ULK2: variants seen among roughly 807,000 people sequenced by gnomAD.
ULK2 encodes the protein unc-51 like autophagy activating kinase 2.
In ULK2, 76 loss-of-function variants were observed where a neutral mutation model predicts 127.5. The ratio of observed to expected loss-of-function variants is 0.60; its 90% CI spans 0.50 to 0.72. The LOEUF (loss-of-function observed/expected upper bound fraction) is 0.72, where lower values mean the gene tolerates loss of function less well. Among genes scored for constraint, ULK2 ranks in the 30% least tolerant of loss-of-function variants. The pLI, the probability that ULK2 is intolerant of heterozygous loss-of-function variation, is 0.00. For missense variants in ULK2, 1,144 were observed against 1,295.9 expected (o/e 0.88, Z 1.80); for synonymous variants, 452 against 461.9 (o/e 0.98, Z 0.28).
intron 10 of ULK2, among the ~76,000 whole-genome samples, chr17:19,835,755 C>T (rs1282148879): frequency 5.4e-5 from 8 of 147,462 alleles, no homozygotes; most frequent in African/African-American, 2.0e-4. Context: ...CTAGAGCAAT[C>T]ATTAAAAAAA....
rs2087270287 is a variant in ULK2, at chr17:19,796,298, TA to T, written c.1810-17del. Reference sequence around the variant, plus strand: ...GAGCTGTGGTCTAAAGAGACATATATATATATATATATGTAAACTAGTTAAT... The same window carrying T: ...GAGCTGTGGTCTAAAGAGACATATATTATATATATATGTAAACTAGTTAAT... On this transcript the variant is annotated splice_polypyrimidine_tract_variant and intron_variant, in intron 18 of 26. Transcript: ENST00000395544. The T allele has an allele frequency of 6.5e-7, 1 of 1,542,150 alleles. No individual in the cohort carries two copies. The highest frequency in any genetic ancestry group is 2.4e-5 in the East Asian group (1 of 42,392).
intron 20 of ULK2, among the ~76,000 whole-genome samples, chr17:19,789,428 G>A (rs914115672): frequency 1.3e-5 from 2 of 152,162 alleles, no homozygotes; most frequent in Admixed American, 6.5e-5. Context: ...CAAGAAGGAC[G>A]GGTACAGATT....
intron 13 of ULK2, among the ~76,000 whole-genome samples, chr17:19,814,439 T>TACATATATATA (rs1491246393): frequency 2.0e-4 from 2 of 9,994 alleles, no homozygotes; most frequent in African/African-American, 4.2e-4. Context: ...TATATATATA[T>TACATATATATA]TTTTTTTTTT....
intron 20 of ULK2, among the ~76,000 whole-genome samples, chr17:19,794,858 C>T (rs746147696): frequency 6.6e-6 from 1 of 152,014 alleles, no homozygotes; most frequent in Non-Finnish European, 1.5e-5. Context: ...ATGGGTGGAT[C>T]ACGAGGTCAG....
At chr17:19,809,463 C>T (rs375591530) in intron 14 of ULK2, among the ~76,000 whole-genome samples, 21 of 151,968 alleles carry the variant, frequency 1.4e-4, no homozygotes, top group Admixed American at 1.2e-3. Flanking sequence ...CTGGGCACAG[C>T]GGCTCACAAC....
intron 10 of ULK2, among the ~76,000 whole-genome samples, chr17:19,828,825 T>C (rs1230323260): frequency 6.6e-6 from 1 of 152,222 alleles, no homozygotes; most frequent in African/African-American, 2.4e-5. Flanking sequence ...GAGACTCCCT[T>C]TAGGCCATGT....
At chr17:19,835,253 C>G (rs544263416) in intron 10 of ULK2, among the ~76,000 whole-genome samples, 3 of 150,942 alleles carry the variant, frequency 2.0e-5, no homozygotes, top group African/African-American at 7.3e-5. Flanking sequence ...AGGTTCACAC[C>G]ATTCTCCTGC....
At chr17:19,826,393 T>C (rs967441223) in intron 10 of ULK2, among the ~76,000 whole-genome samples, 7 of 152,092 alleles carry the variant, frequency 4.6e-5, no homozygotes, top group African/African-American at 9.7e-5. Context: ...AAATAATGAA[T>C]CAATAACAAA....
intron 12 of ULK2, among the ~76,000 whole-genome samples, chr17:19,820,910 A>G (rs2041125443): frequency 6.6e-6 from 1 of 152,222 alleles, no homozygotes; most frequent in Admixed American, 6.5e-5. Context: ...CCTCTTCTCC[A>G]TACAATTAAA....
intron 9 of ULK2, among the ~76,000 whole-genome samples, chr17:19,841,079 A>T (rs143954766): frequency 6.6e-6 from 1 of 151,332 alleles, no homozygotes. Flanking sequence ...GTTCGAGAGG[A>T]AAAAAAAAGG....
At chr17:19,863,356 A>G (rs1250206401) in intron 3 of ULK2, among the ~76,000 whole-genome samples, 1 of 152,208 alleles carries the variant, frequency 6.6e-6, no homozygotes, top group Non-Finnish European at 1.5e-5. Context: ...AGACTAAGCA[A>G]AAGAAAGAAA....
At chr17:19,782,271 T>G (rs1844687356) in intron 22 of ULK2, among the ~76,000 whole-genome samples, 1 of 152,200 alleles carries the variant, frequency 6.6e-6, no homozygotes, top group Non-Finnish European at 1.5e-5. Flanking sequence ...TGCATGTGTT[T>G]GTGTATGTGT....
At chr17:19,827,704 G>C (rs951947548) in intron 10 of ULK2, among the ~76,000 whole-genome samples, 2 of 152,150 alleles carry the variant, frequency 1.3e-5, no homozygotes, top group African/African-American at 4.8e-5. Context: ...CTGAGGTCAG[G>C]AGTTTGAGAC....
chr17:19,864,471 T>C (rs1180179581), intron 3 of ULK2, among the ~76,000 whole-genome samples: 1 of 144,910 alleles, frequency 6.9e-6, no homozygotes, highest in Non-Finnish European at 1.5e-5. Flanking sequence ...TGAGACTCCA[T>C]CAAAAAAAAA....
intron 9 of ULK2, among the ~76,000 whole-genome samples, chr17:19,840,902 A>G (rs1214558678): frequency 6.6e-6 from 1 of 152,046 alleles, no homozygotes; most frequent in Non-Finnish European, 1.5e-5. Flanking sequence ...AACAAAAAAA[A>G]GCATACAGTG....
At chr17:19,783,037 A>G (rs536125795) in intron 22 of ULK2, among the ~76,000 whole-genome samples, 1 of 152,216 alleles carries the variant, frequency 6.6e-6, no homozygotes, top group East Asian at 1.9e-4. Context: ...AAAGTTTCCC[A>G]CTCTTTTATG....
chr17:19,817,783 C>A (rs1281090427), intron 12 of ULK2, among the ~76,000 whole-genome samples: 3 of 152,098 alleles, frequency 2.0e-5, no homozygotes, highest in Non-Finnish European at 1.5e-5. Flanking sequence ...GCTCTTTAAA[C>A]CCAAGCCTTA....
intron 20 of ULK2, among the ~76,000 whole-genome samples, chr17:19,788,362 T>C (rs1212228635): frequency 6.6e-6 from 1 of 151,770 alleles, no homozygotes; most frequent in East Asian, 1.9e-4. Flanking sequence ...CTCTTATGTC[T>C]TGGATACTAG....
rs1473322815 is a variant in ULK2, at chr17:19,775,397, T to G, written c.*952A>C. The G allele has an allele frequency of 6.6e-6, 1 of 152,606 alleles. No individual in the cohort carries two copies. Among genetic ancestry groups the G allele is most frequent in the Non-Finnish European group, 1.5e-5 (1 of 68,038 alleles). 9.5% of individuals were successfully genotyped at this position (152,606 alleles called of 1,614,324 possible). Reference sequence around the variant, plus strand: ...AACTTTGTTTTGGCCCTATTCAAATTATCAAGAGTATCTCTTGATCCATGA... The same window carrying G: ...AACTTTGTTTTGGCCCTATTCAAATGATCAAGAGTATCTCTTGATCCATGA... On this transcript the variant is annotated 3_prime_UTR_variant, in exon 27 of 27. Transcript: ENST00000395544.
Sources: gnomAD v4.1 joint callset for allele counts (sites outside exome capture counted in the v4.1 genomes callset) on GRCh38, gnomAD v4.1.1 for gene constraint, MANE v1.5 for transcripts, NCBI Gene and HGNC (gene_info 2026-07-23, HGNC 2026-07-21) for gene names.